UHRF2: variants seen among roughly 807,000 people sequenced by gnomAD.
The protein encoded by UHRF2 is E3 ubiquitin-protein ligase UHRF2.
In UHRF2, 23 loss-of-function variants were observed where a neutral mutation model predicts 96.8. The observed-to-expected ratio is 0.24, with a 90% CI of 0.17 to 0.34. The LOEUF (loss-of-function observed/expected upper bound fraction) is 0.34. Ranked by LOEUF, UHRF2 falls within the 10% of genes least tolerant of loss-of-function variation. The probability of loss-of-function intolerance (pLI) is 1.00; values close to 1 mark genes in which losing one functional copy is unlikely to be tolerated. For missense variants in UHRF2, 685 were observed against 981.5 expected (o/e 0.70, Z 4.04); for synonymous variants, 385 against 332.6 (o/e 1.16, Z -1.72).
chr9:6,492,192 TGAA>T lies in UHRF2; in HGVS notation c.1498-1630_1498-1628del, dbSNP rs756345699. The T allele has an allele frequency of 4.8e-4, 154 of 322,668 alleles. 1 individual carries two copies. The highest frequency in any genetic ancestry group is 7.6e-4 in the Non-Finnish European group (137 of 181,156). The allele number at this position is 322,668 out of a possible 1,614,324, so 20.0% of individuals were successfully genotyped here. A position where few individuals can be genotyped will look rare whatever the true frequency, so the allele number is the denominator to read the frequency against. ...AGCCATGTTTCCTTGATTTGCTGCT[TGAA>T]GAATAATCAGAAATGTTTTAAATAC... On this transcript the variant is annotated intron_variant, in intron 9 of 15. Transcript: ENST00000276893.
At chr9:6,504,476 T>A (rs1816480167) in intron 14 of UHRF2, 117 bp from the exon 15 acceptor site, 1 of 626,934 alleles carries the variant, frequency 1.6e-6, no homozygotes, top group Non-Finnish European at 2.8e-6. Flanking sequence ...ACATCTTTTA[T>A]GCTGGGAACA....
At chr9:6,434,575 A>T (rs1472599425) in intron 3 of UHRF2, among the ~76,000 whole-genome samples, 2 of 151,978 alleles carry the variant, frequency 1.3e-5, no homozygotes, top group East Asian at 1.9e-4. Context: ...AGTAGCTGGG[A>T]TTACAGGTGC....
intron 6 of UHRF2, among the ~76,000 whole-genome samples, chr9:6,480,857 A>G (rs141701241): frequency 2.1e-4 from 32 of 152,294 alleles, no homozygotes; most frequent in Admixed American, 2.6e-4. Flanking sequence ...AAAGTATCTC[A>G]TAATTGGATT....
At chr9:6,476,607 T>G (rs1170611837) in intron 5 of UHRF2, among the ~76,000 whole-genome samples, 2 of 152,202 alleles carry the variant, frequency 1.3e-5, no homozygotes, top group African/African-American at 4.8e-5. Flanking sequence ...TTTTTGTTTT[T>G]TGTTTTGAGA....
intron 14 of UHRF2, among the ~76,000 whole-genome samples, chr9:6,501,874 G>C (rs1281254772): frequency 6.6e-6 from 1 of 152,224 alleles, no homozygotes; most frequent in African/African-American, 2.4e-5. Flanking sequence ...ACTGAGGTGA[G>C]TTTCCACTGT....
intron 2 of UHRF2, among the ~76,000 whole-genome samples, chr9:6,424,416 T>A (rs1820120954): frequency 6.6e-6 from 1 of 152,226 alleles, no homozygotes; most frequent in African/African-American, 2.4e-5. Flanking sequence ...CAACTTGCCA[T>A]TTTTTTCTAT....
intron 2 of UHRF2, among the ~76,000 whole-genome samples, chr9:6,432,667 C>G (rs1820620360): frequency 6.6e-6 from 1 of 152,156 alleles, no homozygotes; most frequent in Non-Finnish European, 1.5e-5. Flanking sequence ...CTTACTTCTC[C>G]CACGAGGTAT....
chr9:6,503,455 G>A (rs984351967), intron 14 of UHRF2, among the ~76,000 whole-genome samples: 2 of 151,090 alleles, frequency 1.3e-5, no homozygotes, highest in Non-Finnish European at 2.9e-5. Context: ...AATGGCTTTT[G>A]AAGAATACAG....
intron 3 of UHRF2, among the ~76,000 whole-genome samples, chr9:6,448,645 ATTTGG>A (rs1324199863): frequency 6.6e-6 from 1 of 152,234 alleles, no homozygotes; most frequent in Non-Finnish European, 1.5e-5. Context: ...AGTGAACTGT[ATTTGG>A]TGGATGTTAA....
At chr9:6,434,281 G>T (rs1408155565) in intron 3 of UHRF2, 108 bp downstream of exon 3, 3 of 1,335,806 alleles carry the variant, frequency 2.2e-6, no homozygotes, top group South Asian at 3.2e-5. Flanking sequence ...ATCCTTTAGA[G>T]GTTATGTTCA....
In UHRF2 at chr9:6,499,854, C is replaced by T; in HGVS notation, c.1928C>T (p.Ser643Leu). Residue 643 changes from serine to leucine, a missense_variant, in exon 13 of 16, where the codon TCA becomes TTA. By Grantham distance (145) the Ser-to-Leu change is moderately radical. This residue lies in a region of UHRF2 where 99 missense variants were observed against 73.5 expected (regional missense o/e 1.35). Coordinates refer to ENST00000276893, the MANE Select transcript of UHRF2 (RefSeq NM_152896.3). ...LRLQYPAGYP[S>L]DKEGKKPKGQ... is the part of the protein sequence containing the mutation. ...CATCAGTATCCAGCAGGTTACCCTT[C>T]AGATAAAGAAGGGAAGAAGCCTAAA... is the stretch of plus-strand genomic sequence containing the variant. The T allele has an allele frequency of 6.3e-7, 1 of 1,587,330 alleles. No individual in the cohort carries two copies. The highest frequency in any genetic ancestry group is 8.6e-7 in the Non-Finnish European group (1 of 1,163,324).
intron 3 of UHRF2, among the ~76,000 whole-genome samples, chr9:6,442,561 C>G (rs1307642300): frequency 1.3e-5 from 2 of 152,146 alleles, no homozygotes; most frequent in Non-Finnish European, 1.5e-5. Flanking sequence ...TCACTGCAGC[C>G]TCGACTTTCT....
Position 6,486,841 on chromosome 9 carries a change from C to T in UHRF2, c.1413C>T (p.His471=). ...FRVQVSEAGV[H]RPHVGGIHGR... ...TATAGGTGAGCGAAGCAGGTGTTCA[C>T]AGACCCCATGTTGGTGGAATTCATG... is the stretch of plus-strand genomic sequence containing the variant. Residue 471 remains histidine (H), a synonymous_variant, in exon 9 of 16, where the codon CAC becomes CAT. Coordinates refer to ENST00000276893, the MANE Select transcript of UHRF2 (RefSeq NM_152896.3). 1 of 1,614,120 alleles carries T rather than the reference C, an allele frequency of 6.2e-7. No individual in the cohort carries two copies. The highest frequency in any genetic ancestry group is 8.5e-7 in the Non-Finnish European group (1 of 1,179,996).
chr9:6,419,743 T>C lies in UHRF2; in HGVS notation c.154-1169T>C, dbSNP rs541566703. ...AATGAAACATTTTGGGATTTATTTA[T>C]TTATTTGTTTATTTTGAGACAGGGT... On this transcript the variant is annotated intron_variant, in intron 1 of 15. Transcript: ENST00000276893. Among the ~76,000 whole-genome samples, 4 of 152,146 alleles carry C rather than the reference T, an allele frequency of 2.6e-5. No individual in the cohort carries two copies. The South Asian group carries it at 8.3e-4, about 32-fold the overall frequency.
intron 3 of UHRF2, among the ~76,000 whole-genome samples, chr9:6,451,734 G>A (rs906050836): frequency 6.6e-6 from 1 of 151,624 alleles, no homozygotes; most frequent in Non-Finnish European, 1.5e-5. Flanking sequence ...GCCTCCCAAA[G>A]TGCTGGGATT....
intron 3 of UHRF2, among the ~76,000 whole-genome samples, chr9:6,447,303 T>G (rs1443473729): frequency 2.0e-5 from 3 of 152,204 alleles, no homozygotes; most frequent in African/African-American, 7.2e-5. Flanking sequence ...AAGCACAGTT[T>G]TCTGTTTAGT....
At chr9:6,458,880 T>C (rs1587824262) in intron 3 of UHRF2, among the ~76,000 whole-genome samples, 1 of 152,220 alleles carries the variant, frequency 6.6e-6, no homozygotes, top group Non-Finnish European at 1.5e-5. Flanking sequence ...TGGAATACTA[T>C]GCAGCCATAA....
intron 5 of UHRF2, 87 bp from the exon 6 acceptor site, chr9:6,477,535 T>C (rs1823656158): frequency 3.1e-6 from 4 of 1,289,770 alleles, no homozygotes; most frequent in Admixed American, 5.1e-5. Context: ...TCAAAAAAAA[T>C]GCTGTTTCCA....
At chr9:6,488,174 T>C (rs184649461) in intron 9 of UHRF2, among the ~76,000 whole-genome samples, 1 of 144,132 alleles carries the variant, frequency 6.9e-6, no homozygotes, top group Non-Finnish European at 1.5e-5. Context: ...GCTCAGGAGG[T>C]CGAGGCTGTA....
Sources: gnomAD v4.1 joint callset for allele counts (sites outside exome capture counted in the v4.1 genomes callset) on GRCh38, gnomAD v4.1.1 for gene constraint, gnomAD v4.1.1 regional missense constraint, MANE v1.5 for transcripts, NCBI Gene and HGNC (gene_info 2026-07-23, HGNC 2026-07-21) for gene names.